The following STK32B variants were observed in gnomAD, a reference collection of about 807,000 sequenced individuals.
STK32B encodes serine/threonine kinase 32B, also known as serine/threonine-protein kinase 32B.
Under a neutral mutation model 52.6 loss-of-function variants are expected in STK32B, and 43 were observed. That is an observed-to-expected ratio of 0.82 (90% CI 0.64 to 1.05). The LOEUF is 1.05. STK32B is among the 50% of genes least tolerant of loss of function. The probability of loss-of-function intolerance (pLI) is 0.00; values close to 1 mark genes in which losing one functional copy is unlikely to be tolerated. For synonymous variants in STK32B, 238 were observed against 204.3 expected, an observed-to-expected ratio of 1.17 and a Z score of -1.41; for missense variants, 621 against 534.6, an observed-to-expected ratio of 1.16 and a Z score of -1.59.
chr4:5,498,931 G>A lies in STK32B; in HGVS notation c.1107-14G>A, dbSNP rs753581350. 35 of 1,610,018 alleles carry A rather than the reference G, an allele frequency of 2.2e-5. No individual in the cohort carries two copies. Among genetic ancestry groups the A allele is most frequent in the Admixed American group, 5.0e-5 (3 of 59,736 alleles). ...CATGCCGCACCACTAACTCAGATCT[G>A]TGCTTGTTTGCAGGCTCAGGAGGCA... is the stretch of plus-strand genomic sequence containing the variant. On this transcript the variant is annotated splice_polypyrimidine_tract_variant and intron_variant, in intron 11 of 11. Transcript: ENST00000282908.
At chr4:5,325,536 T>C (rs972137748) in intron 3 of STK32B, among the ~76,000 whole-genome samples, 1 of 152,216 alleles carries the variant, frequency 6.6e-6, no homozygotes, top group Non-Finnish European at 1.5e-5. Flanking sequence ...TCCTTATTTT[T>C]AATTCTATTA....
chr4:5,305,102 G>C (rs1729835406), intron 3 of STK32B, among the ~76,000 whole-genome samples: 1 of 151,996 alleles, frequency 6.6e-6, no homozygotes, highest in Non-Finnish European at 1.5e-5. Context: ...ATATTTTGTT[G>C]AGGATTTTTG....
intron 1 of STK32B, among the ~76,000 whole-genome samples, chr4:5,120,362 C>G (rs565159251): frequency 2.0e-5 from 3 of 152,132 alleles, no homozygotes; most frequent in Admixed American, 2.0e-4. Context: ...CATATTGTCA[C>G]AAGAAGGGAA....
intron 3 of STK32B, among the ~76,000 whole-genome samples, chr4:5,257,313 A>G (rs1726387952): frequency 6.6e-6 from 1 of 151,966 alleles, no homozygotes; most frequent in Admixed American, 6.6e-5. Context: ...ATGAATGAGT[A>G]GATGAGTGAG....
rs7671636 is a variant in STK32B, at chr4:5,429,685, A to G, written c.562+12751A>G. 8.2e-3 allele frequency among the ~76,000 whole-genome samples: 1,250 copies of G among 151,998 alleles called. 20 individuals are homozygous for G. Among genetic ancestry groups the G allele is most frequent in the African/African-American group, 0.028 (1,151 of 41,482 alleles). On this transcript the variant is annotated intron_variant, in intron 6 of 11. Coordinates refer to ENST00000282908, the MANE Select transcript of STK32B (RefSeq NM_018401.3). ...CATATTCTTTCTTTGTGTAGCTTCAATTTTCTAGCTGTTATTATATTCATT... is the reference window on the plus strand; with the variant it reads ...CATATTCTTTCTTTGTGTAGCTTCAGTTTTCTAGCTGTTATTATATTCATT...
Position 5,467,359 on chromosome 4 carries a change from C to T in STK32B, c.1041+525C>T, listed in dbSNP as rs868014220. ...CCTTGGCTCCCCAGGCTTCGAGTGGCGGCCGGCCCCCTTGTCCTTCGCTGG... is the reference window on the plus strand; with the variant it reads ...CCTTGGCTCCCCAGGCTTCGAGTGGTGGCCGGCCCCCTTGTCCTTCGCTGG... On this transcript the variant is annotated intron_variant, in intron 10 of 11. Coordinates refer to ENST00000282908, the MANE Select transcript of STK32B (RefSeq NM_018401.3). This position sits in a 1 kb window ranked among gnomAD's most constrained non-coding sequence, Gnocchi z 5.8. Among the ~76,000 whole-genome samples, 2 of 152,178 alleles carry T rather than the reference C, an allele frequency of 1.3e-5. No individual in the cohort carries two copies. The highest frequency in any genetic ancestry group is 4.8e-5 in the African/African-American group (2 of 41,448).
intron 3 of STK32B, among the ~76,000 whole-genome samples, chr4:5,317,172 CATATAAT>C (rs1359952743): frequency 2.0e-5 from 1 of 49,974 alleles, no homozygotes; most frequent in Non-Finnish European, 2.8e-5. Flanking sequence ...ATATATATAA[CATATAAT>C]ATATATATAT....
chr4:5,061,130 A>G lies in STK32B; in HGVS notation c.52+9215A>G, dbSNP rs147664592. Among the ~76,000 whole-genome samples the G allele has an allele frequency of 2.6e-5, 4 of 152,340 alleles. No homozygotes were observed. The East Asian group carries it at 7.7e-4, about 29-fold the overall frequency. ...ATTATCAAACTCAAATTGCAAAAGC[A>G]TTAGACCTTATCACTATGCCCCATC... On this transcript the variant is annotated intron_variant, in intron 1 of 11. Coordinates refer to ENST00000282908, the MANE Select transcript of STK32B (RefSeq NM_018401.3).
At chr4:5,102,552 A>G (rs1014288333) in intron 1 of STK32B, among the ~76,000 whole-genome samples, 1 of 123,300 alleles carries the variant, frequency 8.1e-6, no homozygotes, top group Non-Finnish European at 1.6e-5. Flanking sequence ...TTTCTTTTTG[A>G]TGAGTCTTGC....
rs1727926718 is a variant in STK32B, at chr4:5,277,751, T to G, written c.261-53469T>G. On this transcript the variant is annotated intron_variant, in intron 3 of 11. Coordinates refer to ENST00000282908, the MANE Select transcript of STK32B (RefSeq NM_018401.3). ...TTCTTTAAGAGCCTTTACATTTTAT[T>G]TTTTCTTTCATATCTGAAATGGTTA... 2.0e-5 allele frequency among the ~76,000 whole-genome samples: 3 copies of G among 152,306 alleles called. No homozygotes were observed. In the South Asian group the frequency reaches 6.2e-4, roughly 32 times the overall value.
chr4:5,147,601 T>C (rs1717012309), intron 2 of STK32B, among the ~76,000 whole-genome samples: 1 of 152,056 alleles, frequency 6.6e-6, no homozygotes, highest in Non-Finnish European at 1.5e-5. Flanking sequence ...AGCTCCTTTT[T>C]AGTTGTAGTT....
intron 11 of STK32B, among the ~76,000 whole-genome samples, chr4:5,495,159 C>G (rs1389632884): frequency 6.6e-6 from 1 of 152,148 alleles, no homozygotes; most frequent in Non-Finnish European, 1.5e-5. Flanking sequence ...TGGATAATAT[C>G]CTGCAGAGTG....
rs112326691 is a variant in STK32B at position 5,259,137 on chromosome 4, C to T, written c.261-72083C>T. Among the ~76,000 whole-genome samples, 1,336 of 152,290 alleles carry T rather than the reference C, an allele frequency of 8.8e-3. 11 individuals carry two copies. Among genetic ancestry groups the T allele is most frequent in the African/African-American group, 0.03 (1,266 of 41,560 alleles). On this transcript the variant is annotated intron_variant, in intron 3 of 11. Coordinates refer to ENST00000282908, the MANE Select transcript of STK32B (RefSeq NM_018401.3). ...CCCTGGCAACCTCATCTAAAATTGC[C>T]ACCCTCAAAAATTACCCACACACCT...
At chr4:5,115,404 G>A (rs1393288459) in intron 1 of STK32B, among the ~76,000 whole-genome samples, 1 of 152,176 alleles carries the variant, frequency 6.6e-6, no homozygotes, top group Non-Finnish European at 1.5e-5. Context: ...CTTTCCTCCA[G>A]CATTACAGGA....
rs1452156745 is a variant in STK32B at position 5,453,503 on chromosome 4, C to T, written c.667-3304C>T. Among the ~76,000 whole-genome samples the T allele has an allele frequency of 1.3e-5, 2 of 151,994 alleles. No homozygotes were observed. The highest frequency in any genetic ancestry group is 2.9e-5 in the Non-Finnish European group (2 of 68,014). ...CGTTTGAAATGAGGGATGAAGTGCC[C>T]CATCATTGTCCAGGGTCTTTGCACC... On this transcript the variant is annotated intron_variant, in intron 7 of 11. Coordinates refer to ENST00000282908, the MANE Select transcript of STK32B (RefSeq NM_018401.3). This position sits in a 1 kb window ranked among gnomAD's most constrained non-coding sequence, Gnocchi z 4.0.
rs537937892 is a variant in STK32B at position 5,303,799 on chromosome 4, TTG to T, written c.261-27417_261-27416del. On this transcript the variant is annotated intron_variant, in intron 3 of 11. Transcript: ENST00000282908. ...ATTTTCCAATGTTTTCTTCTAGAAT[TTG>T]TGTAGTTTCAGGTCTTAGATTTAAG... 2.8e-3 allele frequency among the ~76,000 whole-genome samples: 420 copies of T among 152,278 alleles called. 1 individual carries two copies. The highest frequency in any genetic ancestry group is 0.014 in the Middle Eastern group (4 of 294).
intron 3 of STK32B, among the ~76,000 whole-genome samples, chr4:5,224,786 T>C (rs141836765): frequency 3.4e-4 from 51 of 152,184 alleles, no homozygotes; most frequent in African/African-American, 1.1e-3. Context: ...TCATATCAAC[T>C]CTGAGTATAA....
chr4:5,220,493 C>T (rs1309699140), intron 3 of STK32B, among the ~76,000 whole-genome samples: 1 of 152,184 alleles, frequency 6.6e-6, no homozygotes, highest in Non-Finnish European at 1.5e-5. Context: ...GGATTAATGA[C>T]AGGTGTCCAG....
intron 3 of STK32B, among the ~76,000 whole-genome samples, chr4:5,168,762 G>T (rs572294077): frequency 2.6e-5 from 4 of 152,266 alleles, no homozygotes; most frequent in African/African-American, 9.6e-5. Context: ...TAAAGGGAGT[G>T]GGGAGCTCAG....
Sources: allele counts gnomAD v4.1 joint callset (sites outside exome capture counted in the v4.1 genomes callset), GRCh38; gene constraint gnomAD v4.1.1; non-coding constraint Gnocchi (gnomAD v3.1); transcripts MANE v1.5; gene names NCBI Gene and HGNC (gene_info 2026-07-23, HGNC 2026-07-21).